Variants in EFCAB14 observed in about 807,000 individuals in gnomAD.
The protein encoded by EFCAB14 is EF-hand calcium-binding domain-containing protein 14.
A neutral mutation model predicts 56.5 loss-of-function variants in EFCAB14; 43 were observed. The observed-to-expected ratio is 0.76, with a 90% CI of 0.60 to 0.98. EFCAB14 has a LOEUF of 0.98. Ranked by LOEUF, EFCAB14 falls within the 50% of genes least tolerant of loss-of-function variation. The probability of loss-of-function intolerance (pLI) is 0.00; values close to 1 mark genes in which losing one functional copy is unlikely to be tolerated. For missense variants in EFCAB14, 538 were observed against 580.3 expected, an observed-to-expected ratio of 0.93 and a Z score of 0.75; for synonymous variants, 235 against 212.9, an observed-to-expected ratio of 1.10 and a Z score of -0.90.
At chr1:46,716,510 G>A in intron 1 of EFCAB14, 67 bp from the exon 2 acceptor site, 1 of 1,554,398 alleles carries the variant, frequency 6.4e-7, no homozygotes, top group Non-Finnish European at 8.8e-7. Flanking sequence ...ATTAGCAATA[G>A]TACACGTTTT....
intron 2 of EFCAB14, among the ~76,000 whole-genome samples, chr1:46,708,752 T>A (rs910368121): frequency 1.3e-5 from 2 of 152,182 alleles, no homozygotes; most frequent in South Asian, 4.1e-4. Context: ...TAAAAGAATA[T>A]GCTAGGTGAA....
chr1:46,696,303 G>A (rs1677077224), intron 4 of EFCAB14, among the ~76,000 whole-genome samples: 1 of 152,072 alleles, frequency 6.6e-6, no homozygotes. Context: ...AAATAAAAAG[G>A]TATGAACCCA....
At chr1:46,688,145 C>T (rs1325218452) in intron 7 of EFCAB14, among the ~76,000 whole-genome samples, 1 of 152,178 alleles carries the variant, frequency 6.6e-6, no homozygotes, top group East Asian at 1.9e-4. Flanking sequence ...CCGCATCTCC[C>T]TCTCCAAATC....
At chr1:46,708,092 T>A in intron 2 of EFCAB14, 41 bp from the exon 3 acceptor site, 2 of 1,589,344 alleles carry the variant, frequency 1.3e-6, no homozygotes, top group Non-Finnish European at 1.7e-6. Context: ...TAGCATAAAG[T>A]GCCCTCATGG....
At chr1:46,692,019 A>G in intron 4 of EFCAB14, 82 bp from the exon 5 acceptor site, 3 of 978,924 alleles carry the variant, frequency 3.1e-6, no homozygotes, top group Admixed American at 2.7e-5. Flanking sequence ...TCAAAAATGT[A>G]TAATTTGAAT....
At chr1:46,710,193 T>A (rs1039854200) in intron 2 of EFCAB14, among the ~76,000 whole-genome samples, 12 of 152,312 alleles carry the variant, frequency 7.9e-5, no homozygotes, top group African/African-American at 2.9e-4. Context: ...ACAGACTTCC[T>A]ACATGCTTTA....
chr1:46,692,768 C>T (rs1044690526), intron 4 of EFCAB14, among the ~76,000 whole-genome samples: 32 of 152,320 alleles, frequency 2.1e-4, no homozygotes, highest in African/African-American at 7.2e-4. Context: ...TATCTTCAAA[C>T]TATGATTACA....
At chr1:46,701,860 A>G (rs910045170) in intron 3 of EFCAB14, among the ~76,000 whole-genome samples, 1 of 152,184 alleles carries the variant, frequency 6.6e-6, no homozygotes, top group South Asian at 2.1e-4. Context: ...TTAACCCATA[A>G]ATTACAAAGC....
chr1:46,700,990 T>A (rs12070236), intron 3 of EFCAB14, among the ~76,000 whole-genome samples: 5 of 105,586 alleles, frequency 4.7e-5, no homozygotes, highest in African/African-American at 1.7e-4. Context: ...TGAGTGAGTG[T>A]GTGTGTGTGT....
At chr1:46,698,049 C>T (rs773468137) in intron 3 of EFCAB14, among the ~76,000 whole-genome samples, 18 of 151,994 alleles carry the variant, frequency 1.2e-4, no homozygotes, top group Admixed American at 7.2e-4. Flanking sequence ...ATAGGGGTTT[C>T]GCCATGTTGG....
intron 3 of EFCAB14, among the ~76,000 whole-genome samples, chr1:46,700,978 A>AGTGTGTGTGT (rs1553123113): frequency 1.1e-5 from 1 of 95,188 alleles, no homozygotes; most frequent in East Asian, 4.8e-4. Flanking sequence ...AGAGAGAGAG[A>AGTGTGTGTGT]GTGAGTGAGT....
intron 3 of EFCAB14, among the ~76,000 whole-genome samples, chr1:46,699,405 TTTGA>T (rs1458715921): frequency 6.6e-6 from 1 of 152,216 alleles, no homozygotes; most frequent in Non-Finnish European, 1.5e-5. Flanking sequence ...TAGGTGGTTA[TTTGA>T]TTGAGGTTTC....
chr1:46,683,093 C>T (rs932512939), intron 10 of EFCAB14: 1 of 430,110 alleles, frequency 2.3e-6, no homozygotes, highest in Non-Finnish European at 4.0e-6. Flanking sequence ...AGGCAGTTTC[C>T]CTATCAGTAA....
chr1:46,708,156 T>C lies in EFCAB14; in HGVS notation c.335-105A>G, dbSNP rs1406085684. ...AGGAAAGAAGATGGATTAATAAAAG[T>C]TAATTCTGACATTGTTCTTTTATTT... On this transcript the variant is annotated intron_variant, in intron 2 of 10. Coordinates refer to ENST00000371933, the MANE Select transcript of EFCAB14 (RefSeq NM_014774.3). 2.7e-6 allele frequency: 3 copies of C among 1,106,380 alleles called. No homozygotes were observed. The African/African-American group carries it at 4.8e-5, about 18-fold the overall frequency. 68.5% of individuals were successfully genotyped at this position (1,106,380 alleles called of 1,614,324 possible). A position where few individuals can be genotyped will look rare whatever the true frequency, so the allele number is the denominator to read the frequency against.
At chr1:46,692,444 A>T (rs1304105739) in intron 4 of EFCAB14, among the ~76,000 whole-genome samples, 2 of 152,238 alleles carry the variant, frequency 1.3e-5, no homozygotes. Flanking sequence ...ACTTATAGAC[A>T]TTCCCCTTTA....
At chr1:46,696,720 T>C in intron 3 of EFCAB14, 71 bp from the exon 4 acceptor site, 1 of 1,403,138 alleles carries the variant, frequency 7.1e-7, no homozygotes, top group East Asian at 2.3e-5. Flanking sequence ...CTTCACAAAC[T>C]CTACGGTTGG....
intron 8 of EFCAB14, among the ~76,000 whole-genome samples, chr1:46,685,882 T>C (rs1018834391): frequency 6.6e-6 from 1 of 152,210 alleles, no homozygotes; most frequent in Non-Finnish European, 1.5e-5. Flanking sequence ...AAAGCTTAGC[T>C]TATGATGCAT....
chr1:46,679,111 A>G (rs1296868036), intron 10 of EFCAB14, among the ~76,000 whole-genome samples: 1 of 152,250 alleles, frequency 6.6e-6, no homozygotes, highest in South Asian at 2.1e-4. Context: ...GAGCTAGCTC[A>G]TAAAACAGAC....
chr1:46,716,487 T>C (rs1337730748), intron 1 of EFCAB14, 44 bp from the exon 2 acceptor site: 2 of 1,605,418 alleles, frequency 1.2e-6, no homozygotes, highest in South Asian at 1.1e-5. Flanking sequence ...AAAGTGATTA[T>C]GGGTATAGCT....
Sources: gnomAD v4.1 joint callset for allele counts (sites outside exome capture counted in the v4.1 genomes callset) on GRCh38, gnomAD v4.1.1 for gene constraint, MANE v1.5 for transcripts, NCBI Gene and HGNC (gene_info 2026-07-23, HGNC 2026-07-21) for gene names.